Variants in RPP21 observed in about 807,000 individuals in gnomAD.
RPP21 encodes ribonuclease P subunit p21.
Under a neutral mutation model 19.0 loss-of-function variants are expected in RPP21, and 21 were observed. The observed-to-expected ratio is 1.11, with a 90% confidence interval of 0.78 to 1.59. The LOEUF is 1.59. Ranked by LOEUF, RPP21 falls within the 40% of genes most tolerant of loss-of-function variation. The pLI is 0.00. For missense variants in RPP21, 215 were observed against 200.2 expected, an observed-to-expected ratio of 1.07 and a Z score of -0.45; for synonymous variants, 93 against 78.7, an observed-to-expected ratio of 1.18 and a Z score of -0.96.
intron 3 of RPP21, 199 bp downstream of exon 3, chr6:30,345,772 CTGTTT>C (rs1788097069): frequency 7.8e-6 from 4 of 515,624 alleles, no homozygotes; most frequent in Non-Finnish European, 9.2e-6. Context: ...TTGGGCTCGG[CTGTTT>C]TTTTTTTTTT....
chr6:30,346,615 T>C lies in RPP21; in HGVS notation c.367+58T>C. 6.2e-7 allele frequency: 1 copy of C among 1,613,912 alleles called. No homozygotes were observed. The highest frequency in any genetic ancestry group is 8.5e-7 in the Non-Finnish European group (1 of 1,179,870). ...CAGAGGATAGGGACAATGGAGAACG[T>C]AGAGTGAAGAGGACACATGGACAGG... On this transcript the variant is annotated intron_variant, in intron 4 of 4. Transcript: ENST00000442966. The surrounding 1 kb of genome is among the most constrained non-coding windows in gnomAD (Gnocchi z 4.7).
At chr6:30,345,931 T>A in intron 3 of RPP21, 2 of 295,228 alleles carry the variant, frequency 6.8e-6, no homozygotes, top group Non-Finnish European at 1.3e-5. Flanking sequence ...ATGTGTCAGG[T>A]ACTGTGCTAG....
rs999143314 is a variant in RPP21 at position 30,345,587 on chromosome 6, C to T, written c.241+14C>T. The T allele has an allele frequency of 1.1e-5, 14 of 1,266,270 alleles. No homozygotes were observed. In the African/African-American group the frequency reaches 2.1e-4, roughly 19 times the overall value. 78.4% of individuals were successfully genotyped at this position (1,266,270 alleles called of 1,614,324 possible). A position where few individuals can be genotyped will look rare whatever the true frequency, so the allele number is the denominator to read the frequency against. On this transcript the variant is annotated intron_variant, in intron 3 of 4. Transcript: ENST00000442966. ...AGCGCCAGAGACGTGAGTGCTCCAA[C>T]GGAGGTGGAAGACTGCGGAGCATTG...
chr6:30,345,444 G>A, intron 2 of RPP21, 46 bp downstream of exon 2: 1 of 1,611,270 alleles, frequency 6.2e-7, no homozygotes, highest in South Asian at 1.1e-5. Flanking sequence ...CGGGAGGAAC[G>A]CGAGAGGGAG....
At chr6:30,345,923 G>A (rs1356519381) in intron 3 of RPP21, 1 of 303,354 alleles carries the variant, frequency 3.3e-6, no homozygotes, top group African/African-American at 2.2e-5. Flanking sequence ...TTTCTAAAAT[G>A]TGTCAGGTAC....
rs974963 is a variant in RPP21, at chr6:30,346,790, C to T, written c.445C>T (p.Gln149Ter). Residue 149 changes from glutamine (Q) to a stop codon, truncating the protein, a stop_gained, in exon 5 of 5, where the codon CAG becomes TAG. Coordinates refer to ENST00000442966, the MANE Select transcript of RPP21 (RefSeq NM_024839.4). LOFTEE classifies it high-confidence loss of function. This position sits in a 1 kb window ranked among gnomAD's most constrained non-coding sequence, Gnocchi z 4.7. ...CCTTCCTGAGGAGAAAATGCAGACT[C>T]AGGGTTCCAGTAACCAGTGATGGAT... ...DRLPEEKMQT[Q>*]GSSNQ is the part of the protein sequence containing the mutation. 1 of 1,612,806 alleles carries T rather than the reference C, an allele frequency of 6.2e-7. No homozygotes were observed. Among genetic ancestry groups the T allele is most frequent in the East Asian group, 2.2e-5 (1 of 44,842 alleles).
At chr6:30,345,424 G>C in intron 2 of RPP21, 26 bp downstream of exon 2, 1 of 1,608,234 alleles carries the variant, frequency 6.2e-7, no homozygotes, top group South Asian at 1.1e-5. Context: ...GGCGGGCGGC[G>C]GGCGGGACGC....
At chr6:30,345,784 T>C (rs1788100740) in intron 3 of RPP21, 1 of 572,482 alleles carries the variant, frequency 1.7e-6, no homozygotes, top group Non-Finnish European at 2.9e-6. Context: ...GTTTTTTTTT[T>C]TTTTCTTCCA....
rs901437650 is a variant in RPP21 at position 30,346,250 on chromosome 6, T to C, written c.242-182T>C. On this transcript the variant is annotated intron_variant, in intron 3 of 4. Transcript: ENST00000442966. The surrounding 1 kb of genome is among the most constrained non-coding windows in gnomAD (Gnocchi z 4.7). ...GTCTTGTTAGGGAGTTTGAACTTTATCTTAAAGAGTTCCAGGAAATCGATG... is the reference window on the plus strand; with the variant it reads ...GTCTTGTTAGGGAGTTTGAACTTTACCTTAAAGAGTTCCAGGAAATCGATG... The C allele has an allele frequency of 9.1e-7, 1 of 1,093,472 alleles. No individual in the cohort carries two copies. The highest frequency in any genetic ancestry group is 1.3e-6 in the Non-Finnish European group (1 of 785,282). The allele number at this position is 1,093,472 out of a possible 1,614,324, so 67.7% of individuals were successfully genotyped here.
Position 30,345,360 on chromosome 6 carries a change from C to T in RPP21, c.120C>T (p.Tyr40=), listed in dbSNP as rs149023707. The change falls in exon 2 of 5, where the codon TAC becomes TAT. Residue 40 remains tyrosine, a synonymous_variant. Transcript: ENST00000442966. ...AGGCGCTGGCGAGGTTTTACTGCTA[C>T]ACTGAGAGGACCATTGCGAAGCGGC... The part of the protein sequence containing the change: ...ENQALARFYC[Y]TERTIAKRLV... 1 of 1,613,192 alleles carries T rather than the reference C, an allele frequency of 6.2e-7. No individual in the cohort carries two copies. The highest frequency in any genetic ancestry group is 1.3e-5 in the African/African-American group (1 of 74,896).
rs1787987395 is a variant in RPP21 at position 30,345,286 on chromosome 6, C to T, written c.58-12C>T. The T allele has an allele frequency of 1.2e-6, 2 of 1,613,696 alleles. No individual in the cohort carries two copies. The highest frequency in any genetic ancestry group is 2.2e-5 in the East Asian group (1 of 44,870). ...TGCTCGGCGTCCCAGAGTGACTGCT[C>T]CCCTCCCGCAGGCCGCCCATTGTGT... is the stretch of plus-strand genomic sequence containing the variant. On this transcript the variant is annotated splice_polypyrimidine_tract_variant and intron_variant, in intron 1 of 4. Coordinates refer to ENST00000442966, the MANE Select transcript of RPP21 (RefSeq NM_024839.4).
In RPP21 at chr6:30,346,496, C is replaced by CA; in HGVS notation, c.308dup (p.Asn103LysfsTer2). 1 of 1,614,124 alleles carries CA rather than the reference C, an allele frequency of 6.2e-7. No individual in the cohort carries two copies. Among genetic ancestry groups the CA allele is most frequent in the South Asian group, 1.1e-5 (1 of 91,074 alleles). ...CATGCCAGCGCAGCCAACGCTTCCT[C>CA]AATGATCCCGGGCATTTACTCTGGG... On this transcript the variant is annotated frameshift_variant, in exon 4 of 5. Coordinates refer to ENST00000442966, the MANE Select transcript of RPP21 (RefSeq NM_024839.4). LOFTEE classifies it high-confidence loss of function. This position sits in a 1 kb window ranked among gnomAD's most constrained non-coding sequence, Gnocchi z 4.7.
At chr6:30,345,808 A>G in intron 3 of RPP21, 1 of 531,140 alleles carries the variant, frequency 1.9e-6, no homozygotes, top group Non-Finnish European at 3.2e-6. Context: ...TGGGCAATAA[A>G]TAATAACTTT....
chr6:30,346,110 ACT>A lies in RPP21; in HGVS notation c.242-319_242-318del, dbSNP rs1460119858. 1.9e-5 allele frequency: 6 copies of A among 316,314 alleles called. No individual in the cohort carries two copies. The highest frequency in any genetic ancestry group is 1.4e-4 in the Admixed American group (3 of 21,888). 19.6% of individuals were successfully genotyped at this position (316,314 alleles called of 1,614,324 possible). On this transcript the variant is annotated intron_variant, in intron 3 of 4. Transcript: ENST00000442966. The surrounding 1 kb of genome is among the most constrained non-coding windows in gnomAD (Gnocchi z 4.7). ...ATGGAAATTCTAGGCATGTGTGCAGACTCTGAGACAAGAGAGCTTGTGGTGCT... is the reference window on the plus strand; with the variant it reads ...ATGGAAATTCTAGGCATGTGTGCAGACTGAGACAAGAGAGCTTGTGGTGCT...
At position 30,345,291 on chromosome 6, in the gene RPP21, C is replaced by G. The variant is rs372362222; in HGVS notation, c.58-7C>G. 22 of 1,613,734 alleles carry G rather than the reference C, an allele frequency of 1.4e-5. No individual in the cohort carries two copies. The highest frequency in any genetic ancestry group is 1.8e-5 in the Non-Finnish European group (21 of 1,179,908). ...GGCGTCCCAGAGTGACTGCTCCCCT[C>G]CCGCAGGCCGCCCATTGTGTCCTTG... is the stretch of plus-strand genomic sequence containing the variant. On this transcript the variant is annotated splice_polypyrimidine_tract_variant and splice_region_variant and intron_variant, in intron 1 of 4. Coordinates refer to ENST00000442966, the MANE Select transcript of RPP21 (RefSeq NM_024839.4).
chr6:30,346,780 A>G lies in RPP21; in HGVS notation c.435A>G (p.Lys145=). 1 of 1,613,212 alleles carries G rather than the reference A, an allele frequency of 6.2e-7. No homozygotes were observed. The highest frequency in any genetic ancestry group is 8.5e-7 in the Non-Finnish European group (1 of 1,180,006). The part of the protein sequence containing the change: ...HSISDRLPEE[K]MQTQGSSNQ ...TTTCAGACCGCCTTCCTGAGGAGAA[A>G]ATGCAGACTCAGGGTTCCAGTAACC... Residue 145 remains lysine, a synonymous_variant, in exon 5 of 5, where the codon AAA becomes AAG. Transcript: ENST00000442966. This position sits in a 1 kb window ranked among gnomAD's most constrained non-coding sequence, Gnocchi z 4.7.
chr6:30,345,715 C>T (rs1279284007), intron 3 of RPP21, 142 bp downstream of exon 3: 3 of 1,035,814 alleles, frequency 2.9e-6, no homozygotes, highest in Non-Finnish European at 2.7e-6. Flanking sequence ...AGTCTTCCTT[C>T]TTCGGGTTTG....
At chr6:30,345,772 CTGTT>C in intron 3 of RPP21, 199 bp downstream of exon 3, 22 of 515,286 alleles carry the variant, frequency 4.3e-5, no homozygotes, top group Middle Eastern at 5.8e-4. Flanking sequence ...TTGGGCTCGG[CTGTT>C]TTTTTTTTTT....
chr6:30,345,252 CGGG>C, intron 1 of RPP21, 24 bp downstream of exon 1: 2 of 1,612,344 alleles, frequency 1.2e-6, no homozygotes, highest in Non-Finnish European at 1.7e-6. Flanking sequence ...AAGGGCCCCA[CGGG>C]GACGGTGCTC....
Sources: allele counts gnomAD v4.1 joint callset, GRCh38; gene constraint gnomAD v4.1.1; non-coding constraint Gnocchi (gnomAD v3.1); transcripts MANE v1.5; gene names NCBI Gene and HGNC (gene_info 2026-07-23, HGNC 2026-07-21).